SLC35F4: variants seen among roughly 807,000 people sequenced by gnomAD.
The protein encoded by SLC35F4 is solute carrier family 35 member F4.
A neutral mutation model predicts 44.2 loss-of-function variants in SLC35F4; 24 were observed. The observed-to-expected ratio is 0.54, with a 90% confidence interval of 0.39 to 0.76. The LOEUF is 0.76. Among genes scored for constraint, SLC35F4 ranks in the 30% least tolerant of loss-of-function variants. The probability of loss-of-function intolerance (pLI) is 0.00; values close to 1 mark genes in which losing one functional copy is unlikely to be tolerated. For synonymous variants in SLC35F4, 238 were observed against 223.6 expected (o/e 1.06, Z -0.57); for missense variants, 562 against 586.1 (o/e 0.96, Z 0.42).
chr14:57,766,495 C>A (rs1383625660), intron 1 of SLC35F4, among the ~76,000 whole-genome samples: 1 of 152,170 alleles, frequency 6.6e-6, no homozygotes, highest in Non-Finnish European at 1.5e-5. Flanking sequence ...TCAGCCAAGG[C>A]AGGCTAGGCC....
intron 1 of SLC35F4, among the ~76,000 whole-genome samples, chr14:57,922,673 C>T (rs1027953231): frequency 6.6e-6 from 1 of 152,208 alleles, no homozygotes; most frequent in Non-Finnish European, 1.5e-5. Flanking sequence ...GTCAGACCAA[C>T]TATATTAAGC....
intron 1 of SLC35F4, among the ~76,000 whole-genome samples, chr14:57,610,610 C>T (rs1027458866): frequency 2.6e-5 from 4 of 152,150 alleles, no homozygotes; most frequent in Admixed American, 2.6e-4. Context: ...TTTATTTTTC[C>T]TTATTAATAT....
intron 1 of SLC35F4, among the ~76,000 whole-genome samples, chr14:57,656,644 A>T (rs2140221561): frequency 6.6e-6 from 1 of 152,212 alleles, no homozygotes; most frequent in South Asian, 2.1e-4. Context: ...TGTGCTCAGC[A>T]TCCCCTCTGT....
intron 1 of SLC35F4, among the ~76,000 whole-genome samples, chr14:57,635,583 C>G (rs570868174): frequency 1.3e-5 from 2 of 152,016 alleles, no homozygotes; most frequent in Non-Finnish European, 2.9e-5. Flanking sequence ...CAGGAGGAAC[C>G]AGCACTGAGC....
chr14:57,953,195 G>A (rs1018021697), intron 1 of SLC35F4, among the ~76,000 whole-genome samples: 9 of 152,156 alleles, frequency 5.9e-5, no homozygotes, highest in East Asian at 1.9e-4. Flanking sequence ...CTTCATAAGC[G>A]AAGGAAAACT....
chr14:57,719,198 T>C (rs2076018635), intron 1 of SLC35F4, among the ~76,000 whole-genome samples: 1 of 152,226 alleles, frequency 6.6e-6, no homozygotes, highest in Admixed American at 6.5e-5. Context: ...GGTTTGTGTG[T>C]CTGTTTTTAT....
At position 57,592,314 on chromosome 14, in the gene SLC35F4, A is replaced by G. The variant is rs148621822; in HGVS notation, c.289+1625T>C. Among the ~76,000 whole-genome samples, 151 of 152,290 alleles carry G rather than the reference A, an allele frequency of 9.9e-4. 2 individuals carry two copies. Among genetic ancestry groups the G allele is most frequent in the Admixed American group, 9.1e-3 (139 of 15,298 alleles). ...GTCCAACAGTGATAATAGCTATCTCATAGGATTTATTTTGAGATTAAGTAC... is the reference window on the plus strand; with the variant it reads ...GTCCAACAGTGATAATAGCTATCTCGTAGGATTTATTTTGAGATTAAGTAC... On this transcript the variant is annotated intron_variant, in intron 2 of 7. Coordinates refer to ENST00000556826, the MANE Select transcript of SLC35F4 (RefSeq NM_001306087.2).
rs1555398709 is a variant in SLC35F4 at position 57,865,989 on chromosome 14, A to AGCGGCAGCGGCGGCG, written c.-165_-164insCGCCGCCGCTGCCGC. 2.1e-5 allele frequency: 8 copies of AGCGGCAGCGGCGGCG among 373,220 alleles called. No homozygotes were observed. The highest frequency in any genetic ancestry group is 1.5e-4 in the African/African-American group (7 of 45,632). The allele number at this position is 373,220 out of a possible 1,614,324, so 23.1% of individuals were successfully genotyped here. On this transcript the variant is annotated 5_prime_UTR_variant, in exon 1 of 8. Transcript: ENST00000556826. ...CGGCGCAGCACCGGCTCCGCATCAC[A>AGCGGCAGCGGCGGCG]GCGGCGGCGGCGGCGGCGGCGGCGG...
At chr14:57,714,688 A>T (rs1248434662) in intron 1 of SLC35F4, among the ~76,000 whole-genome samples, 1 of 152,128 alleles carries the variant, frequency 6.6e-6, no homozygotes, top group Non-Finnish European at 1.5e-5. Flanking sequence ...AATAATTCAC[A>T]GTTTTTTCCT....
intron 1 of SLC35F4, among the ~76,000 whole-genome samples, chr14:57,646,631 CTCTGA>C (rs574372064): frequency 0.011 from 1,644 of 152,194 alleles, 40 homozygotes; most frequent in African/African-American, 0.037. Context: ...TTCAGTTCTG[CTCTGA>C]TCTTAGTTAT....
At chr14:57,664,859 A>G (rs1566740239) in intron 1 of SLC35F4, among the ~76,000 whole-genome samples, 1 of 152,192 alleles carries the variant, frequency 6.6e-6, no homozygotes, top group African/African-American at 2.4e-5. Flanking sequence ...CTGAAAATAC[A>G]AATCTACTAA....
chr14:57,746,098 G>C (rs2076747391), intron 1 of SLC35F4, among the ~76,000 whole-genome samples: 1 of 152,082 alleles, frequency 6.6e-6, no homozygotes, highest in Admixed American at 6.6e-5. Context: ...TGGGGGGCAG[G>C]GGGAAGGGAT....
chr14:57,620,769 C>T (rs1378411304), intron 1 of SLC35F4, among the ~76,000 whole-genome samples: 1 of 152,234 alleles, frequency 6.6e-6, no homozygotes, highest in Admixed American at 6.5e-5. Context: ...GACAGGGATG[C>T]CCTCTCTCAC....
rs1327030733 is a variant in SLC35F4, at chr14:57,717,624, A to C, written c.104-123500T>G. Among the ~76,000 whole-genome samples, 66 of 152,236 alleles carry C rather than the reference A, an allele frequency of 4.3e-4. 1 individual carries two copies. Among genetic ancestry groups the C allele is most frequent in the Admixed American group, 4.3e-3 (66 of 15,282 alleles). ...GCACTCCAGCCTGGGCGACAGAGCG[A>C]GACTCCGTCTCAAAAAAAGAGTTTT... is the stretch of plus-strand genomic sequence containing the variant. On this transcript the variant is annotated intron_variant, in intron 1 of 7. Coordinates refer to ENST00000556826, the MANE Select transcript of SLC35F4 (RefSeq NM_001306087.2).
intron 1 of SLC35F4, among the ~76,000 whole-genome samples, chr14:57,747,345 AG>A (rs1566818672): frequency 1.3e-5 from 2 of 152,220 alleles, no homozygotes; most frequent in East Asian, 3.9e-4. Flanking sequence ...TTGCTGGGTT[AG>A]CCTACCTTTG....
intron 1 of SLC35F4, among the ~76,000 whole-genome samples, chr14:57,691,971 G>C (rs191090147): frequency 1.3e-3 from 205 of 152,310 alleles, no homozygotes; most frequent in African/African-American, 4.7e-3. Flanking sequence ...GATAGTGTGT[G>C]TCCAGGAAGC....
At chr14:57,756,295 C>T (rs572952526) in intron 1 of SLC35F4, among the ~76,000 whole-genome samples, 2 of 152,108 alleles carry the variant, frequency 1.3e-5, no homozygotes, top group Non-Finnish European at 2.9e-5. Context: ...TCATTCAGTG[C>T]AAATTTCAAA....
intron 1 of SLC35F4, among the ~76,000 whole-genome samples, chr14:57,894,701 G>A (rs966598148): frequency 1.9e-4 from 29 of 151,934 alleles, no homozygotes; most frequent in African/African-American, 7.0e-4. Context: ...TTATATTCAT[G>A]GAATAATTAA....
chr14:57,567,273 GA>G (rs2068251117), intron 6 of SLC35F4, among the ~76,000 whole-genome samples: 1 of 152,050 alleles, frequency 6.6e-6, no homozygotes, highest in Non-Finnish European at 1.5e-5. Flanking sequence ...TTTTCAAAAA[GA>G]AAAAAGAATT....
Sources: allele counts gnomAD v4.1 joint callset (sites outside exome capture counted in the v4.1 genomes callset), GRCh38; gene constraint gnomAD v4.1.1; transcripts MANE v1.5; gene names NCBI Gene and HGNC (gene_info 2026-07-23, HGNC 2026-07-21).